Variants in FCHSD2 observed in about 807,000 individuals in gnomAD.
The protein encoded by FCHSD2 is F-BAR and double SH3 domains protein 2.
In FCHSD2, 38 loss-of-function variants were observed where a neutral mutation model predicts 108.1. The observed-to-expected ratio is 0.35, with a 90% confidence interval of 0.27 to 0.46. The LOEUF is 0.46. FCHSD2 is among the 20% of genes least tolerant of loss of function. FCHSD2 has a pLI of 1.00. For synonymous variants in FCHSD2, 279 were observed against 314.7 expected, an observed-to-expected ratio of 0.89 and a Z score of 1.20; for missense variants, 751 against 897.8, an observed-to-expected ratio of 0.84 and a Z score of 2.09.
At chr11:72,915,823 C>CA (rs1396349991) in intron 9 of FCHSD2, among the ~76,000 whole-genome samples, 2 of 151,590 alleles carry the variant, frequency 1.3e-5, no homozygotes, top group East Asian at 3.9e-4. Context: ...GCCTCAAAAA[C>CA]AAAAAACAAA....
At chr11:73,108,091 T>C (rs1418209841) in intron 2 of FCHSD2, among the ~76,000 whole-genome samples, 1 of 152,170 alleles carries the variant, frequency 6.6e-6, no homozygotes, top group East Asian at 1.9e-4. Flanking sequence ...ACTGTCTGTC[T>C]TTTGGATAAA....
Position 73,040,285 on chromosome 11 carries a change from G to GT in FCHSD2, c.166-24401dup, listed in dbSNP as rs1367465844. ...AGGAGAAGCCCTCCTACTAGAAGCTGTAATTGTTTCGCAGTCATGTGGAAA... is the reference window on the plus strand; with the variant it reads ...AGGAGAAGCCCTCCTACTAGAAGCTGTTAATTGTTTCGCAGTCATGTGGAAA... On this transcript the variant is annotated intron_variant, in intron 3 of 19. Coordinates refer to ENST00000409418, the MANE Select transcript of FCHSD2 (RefSeq NM_014824.3). Among the ~76,000 whole-genome samples the GT allele has an allele frequency of 2.6e-5, 4 of 152,142 alleles. No individual in the cohort carries two copies. The East Asian group carries it at 7.7e-4, about 29-fold the overall frequency.
intron 2 of FCHSD2, among the ~76,000 whole-genome samples, chr11:73,095,061 C>A (rs1159291588): frequency 2.0e-5 from 3 of 152,130 alleles, no homozygotes; most frequent in Non-Finnish European, 4.4e-5. Flanking sequence ...TCAAGGGATT[C>A]ATTTGAATAC....
At chr11:73,124,100 G>A (rs887118749) in intron 2 of FCHSD2, among the ~76,000 whole-genome samples, 42 of 152,126 alleles carry the variant, frequency 2.8e-4, no homozygotes, top group African/African-American at 9.4e-4. Flanking sequence ...ATGCGTTCAC[G>A]TCCTTTGTAG....
intron 3 of FCHSD2, among the ~76,000 whole-genome samples, chr11:73,077,120 G>GA (rs1239579758): frequency 1.6e-5 from 2 of 128,022 alleles, no homozygotes; most frequent in African/African-American, 2.9e-5. Context: ...AAAAGAAAAA[G>GA]AAAAAAAAGA....
At chr11:72,932,078 C>T (rs1316701998) in intron 8 of FCHSD2, among the ~76,000 whole-genome samples, 1 of 152,210 alleles carries the variant, frequency 6.6e-6, no homozygotes, top group Non-Finnish European at 1.5e-5. Flanking sequence ...CCACTATTCA[C>T]TTGCCAACCT....
chr11:72,883,476 C>T (rs1855130695), intron 12 of FCHSD2, among the ~76,000 whole-genome samples: 1 of 151,962 alleles, frequency 6.6e-6, no homozygotes, highest in African/African-American at 2.4e-5. Flanking sequence ...TAAATTTGGG[C>T]AAAAGATATT....
chr11:73,031,855 A>C (rs1045179963), intron 3 of FCHSD2, among the ~76,000 whole-genome samples: 1 of 152,228 alleles, frequency 6.6e-6, no homozygotes, highest in African/African-American at 2.4e-5. Context: ...AAGTTTTATT[A>C]AGTGCTTTCT....
intron 10 of FCHSD2, among the ~76,000 whole-genome samples, chr11:72,900,518 T>C (rs184004249): frequency 1.4e-4 from 22 of 152,250 alleles, no homozygotes; most frequent in African/African-American, 5.3e-4. Context: ...AAAATAGCAA[T>C]GATAAAATAA....
intron 14 of FCHSD2, among the ~76,000 whole-genome samples, chr11:72,844,048 G>A (rs1034740583): frequency 6.6e-6 from 1 of 152,060 alleles, no homozygotes; most frequent in Non-Finnish European, 1.5e-5. Context: ...CCTGGAAGTA[G>A]AGGACCTGGG....
At chr11:73,093,263 AT>A (rs1173855954) in intron 2 of FCHSD2, among the ~76,000 whole-genome samples, 18 of 152,202 alleles carry the variant, frequency 1.2e-4, no homozygotes, top group African/African-American at 4.3e-4. Context: ...CCCTTGGCTG[AT>A]TTTAAACTCT....
intron 8 of FCHSD2, among the ~76,000 whole-genome samples, chr11:72,939,058 G>T (rs1856361479): frequency 6.6e-6 from 1 of 152,016 alleles, no homozygotes; most frequent in South Asian, 2.1e-4. Flanking sequence ...GTACTTTTTT[G>T]GGGGTATATG....
chr11:73,135,912 C>T (rs1861109955), intron 2 of FCHSD2, among the ~76,000 whole-genome samples: 1 of 152,038 alleles, frequency 6.6e-6, no homozygotes, highest in Non-Finnish European at 1.5e-5. Context: ...TTCTGTAATC[C>T]CAGCACTTTG....
At chr11:72,895,151 T>C (rs896679259) in intron 10 of FCHSD2, among the ~76,000 whole-genome samples, 1 of 152,144 alleles carries the variant, frequency 6.6e-6, no homozygotes, top group African/African-American at 2.4e-5. Flanking sequence ...ATCTAGATAA[T>C]TGTTGAGTGT....
intron 3 of FCHSD2, among the ~76,000 whole-genome samples, chr11:73,057,408 T>C (rs1334324239): frequency 6.6e-6 from 1 of 152,154 alleles, no homozygotes; most frequent in African/African-American, 2.4e-5. Context: ...CAGGATTTCC[T>C]TACTGTGGTA....
chr11:72,847,883 G>A (rs910260819), intron 14 of FCHSD2, among the ~76,000 whole-genome samples: 1 of 151,824 alleles, frequency 6.6e-6, no homozygotes, highest in African/African-American at 2.4e-5. Flanking sequence ...AGTAGAGATG[G>A]GGTTTCACCA....
At chr11:72,979,791 G>A (rs1002089480) in intron 8 of FCHSD2, among the ~76,000 whole-genome samples, 3 of 151,854 alleles carry the variant, frequency 2.0e-5, no homozygotes, top group South Asian at 2.1e-4. Flanking sequence ...AAAGAAAACT[G>A]GAGATCTAAC....
At chr11:72,921,445 G>T (rs1008427531) in intron 9 of FCHSD2, among the ~76,000 whole-genome samples, 1 of 152,054 alleles carries the variant, frequency 6.6e-6, no homozygotes, top group Non-Finnish European at 1.5e-5. Flanking sequence ...ATTACAAAAC[G>T]CTCCTTTTCC....
intron 13 of FCHSD2, among the ~76,000 whole-genome samples, chr11:72,853,010 G>A (rs919742721): frequency 1.3e-5 from 2 of 152,108 alleles, no homozygotes; most frequent in Non-Finnish European, 2.9e-5. Context: ...GTGGGAGGAG[G>A]GAGAGGATTA....
Sources: allele counts gnomAD v4.1 joint callset (sites outside exome capture counted in the v4.1 genomes callset), GRCh38; gene constraint gnomAD v4.1.1; transcripts MANE v1.5; gene names NCBI Gene and HGNC (gene_info 2026-07-23, HGNC 2026-07-21).